ARHGAP15: variants seen among roughly 807,000 people sequenced by gnomAD.
ARHGAP15 encodes rho GTPase-activating protein 15.
In ARHGAP15, 51 loss-of-function variants were observed where a neutral mutation model predicts 63.7. That is an observed-to-expected ratio of 0.80 (90% confidence interval 0.64 to 1.01). The LOEUF (loss-of-function observed/expected upper bound fraction) is 1.01. Among genes scored for constraint, ARHGAP15 ranks in the 50% least tolerant of loss-of-function variants. ARHGAP15 has a pLI of 0.00. For missense variants in ARHGAP15, 560 were observed against 564.6 expected (o/e 0.99, Z 0.08); for synonymous variants, 191 against 193.8 (o/e 0.99, Z 0.12).
Position 143,646,302 on chromosome 2 carries a change from A to G in ARHGAP15, c.1138+22035A>G, listed in dbSNP as rs556905491. 5.3e-5 allele frequency among the ~76,000 whole-genome samples: 8 copies of G among 152,148 alleles called. No homozygotes were observed. The South Asian group carries it at 8.3e-4, about 16-fold the overall frequency. ...AAAGAAGAAGGTGGAATGCAAAAGA[A>G]AAAAAAAGATTGTGATATGAGACCT... On this transcript the variant is annotated intron_variant, in intron 12 of 13. Transcript: ENST00000295095.
chr2:143,304,606 A>G (rs1683081553), intron 6 of ARHGAP15, among the ~76,000 whole-genome samples: 1 of 152,158 alleles, frequency 6.6e-6, no homozygotes, highest in Admixed American at 6.6e-5. Context: ...AGTATATAAT[A>G]AAAAAGTGAA....
chr2:143,309,436 G>A (rs954307355), intron 6 of ARHGAP15, among the ~76,000 whole-genome samples: 2 of 151,980 alleles, frequency 1.3e-5, no homozygotes, highest in Admixed American at 1.3e-4. Context: ...ACACTTACTT[G>A]GATAGTTATT....
chr2:143,569,400 A>G (rs567805463), intron 11 of ARHGAP15, among the ~76,000 whole-genome samples: 11 of 152,340 alleles, frequency 7.2e-5, no homozygotes, highest in African/African-American at 2.4e-4. Flanking sequence ...GAACAGATGG[A>G]GACGGGTGAG....
intron 12 of ARHGAP15, among the ~76,000 whole-genome samples, chr2:143,663,860 A>T (rs915688713): frequency 1.3e-5 from 2 of 152,224 alleles, no homozygotes; most frequent in Non-Finnish European, 2.9e-5. Context: ...CAACAAGAAG[A>T]ACTAACCTAA....
At chr2:143,194,493 T>G (rs1177183558) in intron 2 of ARHGAP15, among the ~76,000 whole-genome samples, 1 of 152,212 alleles carries the variant, frequency 6.6e-6, no homozygotes, top group Non-Finnish European at 1.5e-5. Context: ...AAAATGTTTA[T>G]ATGTCTATTT....
At chr2:143,732,884 C>T (rs190467266) in intron 13 of ARHGAP15, among the ~76,000 whole-genome samples, 1 of 150,494 alleles carries the variant, frequency 6.6e-6, no homozygotes, top group Admixed American at 6.6e-5. Flanking sequence ...AATAAGGAAA[C>T]CCTCCTTCCC....
chr2:143,579,833 C>CT (rs1305645667), intron 11 of ARHGAP15, among the ~76,000 whole-genome samples: 1 of 151,318 alleles, frequency 6.6e-6, no homozygotes, highest in African/African-American at 2.4e-5. Context: ...CTGCACAGAG[C>CT]TTTTTTTCTC....
intron 6 of ARHGAP15, among the ~76,000 whole-genome samples, chr2:143,256,694 G>A (rs1436345509): frequency 1.3e-5 from 2 of 152,014 alleles, no homozygotes; most frequent in African/African-American, 4.8e-5. Flanking sequence ...ATGATTATTT[G>A]TATGATGTTT....
chr2:143,183,722 CTTT>C (rs766431084), intron 2 of ARHGAP15, among the ~76,000 whole-genome samples: 1 of 139,912 alleles, frequency 7.1e-6, no homozygotes, highest in African/African-American at 2.6e-5. Context: ...TTTTTCTTTT[CTTT>C]TTTTTTTTTT....
intron 13 of ARHGAP15, among the ~76,000 whole-genome samples, chr2:143,711,308 T>A (rs962040325): frequency 6.6e-6 from 1 of 152,190 alleles, no homozygotes; most frequent in Non-Finnish European, 1.5e-5. Context: ...ATAATAAACA[T>A]GATGCAATAT....
chr2:143,628,059 TATAAG>T (rs1698907518), intron 12 of ARHGAP15, among the ~76,000 whole-genome samples: 1 of 152,088 alleles, frequency 6.6e-6, no homozygotes, highest in African/African-American at 2.4e-5. Flanking sequence ...AGCTCCCACT[TATAAG>T]AAAGAACATG....
At chr2:143,345,716 AAG>A (rs1685242122) in intron 6 of ARHGAP15, among the ~76,000 whole-genome samples, 1 of 152,160 alleles carries the variant, frequency 6.6e-6, no homozygotes, top group Admixed American at 6.6e-5. Context: ...CATTTTAAGA[AAG>A]AGCTAGAATG....
intron 11 of ARHGAP15, among the ~76,000 whole-genome samples, chr2:143,618,893 G>T (rs1698547478): frequency 6.6e-6 from 1 of 151,898 alleles, no homozygotes; most frequent in Non-Finnish European, 1.5e-5. Context: ...GGGGTGCAGT[G>T]GTGTGATCTT....
intron 4 of ARHGAP15, among the ~76,000 whole-genome samples, chr2:143,222,612 C>T (rs1176887527): frequency 6.6e-6 from 1 of 152,140 alleles, no homozygotes; most frequent in Non-Finnish European, 1.5e-5. Flanking sequence ...TTATGTGCTG[C>T]CATCCGGTGT....
chr2:143,277,943 G>A (rs1419144632), intron 6 of ARHGAP15, among the ~76,000 whole-genome samples: 2 of 152,098 alleles, frequency 1.3e-5, no homozygotes, highest in Non-Finnish European at 2.9e-5. Context: ...TTTTTACATT[G>A]GTTGATAGTG....
At chr2:143,603,361 TG>T (rs920582937) in intron 11 of ARHGAP15, among the ~76,000 whole-genome samples, 3 of 152,232 alleles carry the variant, frequency 2.0e-5, no homozygotes, top group African/African-American at 7.2e-5. Context: ...TGAATACAGA[TG>T]CACTTTGTTG....
intron 10 of ARHGAP15, among the ~76,000 whole-genome samples, chr2:143,541,252 A>G (rs373066234): frequency 2.0e-5 from 3 of 152,038 alleles, no homozygotes; most frequent in Admixed American, 6.6e-5. Context: ...ACTTCTCTGC[A>G]TTGGTTATTC....
chr2:143,174,176 A>G (rs1690917123), intron 2 of ARHGAP15, among the ~76,000 whole-genome samples: 1 of 152,100 alleles, frequency 6.6e-6, no homozygotes. Context: ...TTAATTCATA[A>G]TACCAGCTCT....
At chr2:143,645,708 A>C (rs1426696629) in intron 12 of ARHGAP15, among the ~76,000 whole-genome samples, 1 of 152,084 alleles carries the variant, frequency 6.6e-6, no homozygotes, top group Non-Finnish European at 1.5e-5. Context: ...TGTCTGAGTA[A>C]GTCAAATTCC....
Sources: allele counts gnomAD v4.1 joint callset (sites outside exome capture counted in the v4.1 genomes callset), GRCh38; gene constraint gnomAD v4.1.1; transcripts MANE v1.5; gene names NCBI Gene and HGNC (gene_info 2026-07-23, HGNC 2026-07-21).